ACO2: variants seen among roughly 807,000 people sequenced by gnomAD.
ACO2 encodes aconitate hydratase, mitochondrial.
Under a neutral mutation model 84.5 loss-of-function variants are expected in ACO2, and 31 were observed. That is an observed-to-expected ratio of 0.37 (90% CI 0.28 to 0.50). The LOEUF (loss-of-function observed/expected upper bound fraction) is 0.50, where lower values mean the gene tolerates loss of function less well. Among genes scored for constraint, ACO2 ranks in the 20% least tolerant of loss-of-function variants. ACO2 has a pLI of 0.97. For synonymous variants in ACO2, 414 were observed against 412.7 expected (o/e 1.00, Z -0.04); for missense variants, 685 against 1,029.3 (o/e 0.67, Z 4.58).
At chr22:41,499,045 C>T (rs1013790461) in intron 1 of ACO2, among the ~76,000 whole-genome samples, 5 of 150,288 alleles carry the variant, frequency 3.3e-5, no homozygotes, top group African/African-American at 7.4e-5. Flanking sequence ...ATCAGTGAGC[C>T]GAGATCCCAC....
intron 15 of ACO2, chr22:41,526,974 C>A (rs1340906204): frequency 2.2e-6 from 1 of 459,974 alleles, no homozygotes; most frequent in Non-Finnish European, 3.9e-6. Flanking sequence ...TTGTGTGGGG[C>A]CCGGAGGCCG....
chr22:41,495,934 T>G (rs966963037), intron 1 of ACO2, among the ~76,000 whole-genome samples: 3 of 151,800 alleles, frequency 2.0e-5, no homozygotes, highest in Admixed American at 2.0e-4. Context: ...AACTGAAACT[T>G]AGGGCAATTA....
chr22:41,522,704 A>G lies in ACO2; in HGVS notation c.1139-126A>G, dbSNP rs2066536818. 23 of 1,107,304 alleles carry G rather than the reference A, an allele frequency of 2.1e-5. No individual in the cohort carries two copies. The South Asian group carries it at 3.4e-4, about 16-fold the overall frequency. 68.6% of individuals were successfully genotyped at this position (1,107,304 alleles called of 1,614,324 possible). A position where few individuals can be genotyped will look rare whatever the true frequency, so the allele number is the denominator to read the frequency against. On this transcript the variant is annotated intron_variant, in intron 9 of 17. Coordinates refer to ENST00000216254, the MANE Select transcript of ACO2 (RefSeq NM_001098.3). ...GGTTGCTTGCAACTGGTCTCTGTTAAAAAAGTCTCTGGCCCAGCCCAGATG... is the reference window on the plus strand; with the variant it reads ...GGTTGCTTGCAACTGGTCTCTGTTAGAAAAGTCTCTGGCCCAGCCCAGATG...
At chr22:41,514,986 A>G (rs956453802) in intron 4 of ACO2, among the ~76,000 whole-genome samples, 1 of 152,212 alleles carries the variant, frequency 6.6e-6, no homozygotes, top group African/African-American at 2.4e-5. Flanking sequence ...ATGAGAAGCC[A>G]GGTGGGGATG....
chr22:41,488,902 T>C (rs2066252434), intron 1 of ACO2, among the ~76,000 whole-genome samples: 1 of 152,180 alleles, frequency 6.6e-6, no homozygotes. Flanking sequence ...CAGAGTAACC[T>C]GGTAATCTTT....
intron 1 of ACO2, among the ~76,000 whole-genome samples, chr22:41,493,083 G>A (rs1030759012): frequency 6.6e-6 from 1 of 152,200 alleles, no homozygotes; most frequent in East Asian, 1.9e-4. Context: ...AAGAGAGAGG[G>A]GAGGAAGGGG....
intron 2 of ACO2, among the ~76,000 whole-genome samples, chr22:41,506,836 G>T (rs1430479287): frequency 6.6e-6 from 1 of 152,052 alleles, no homozygotes; most frequent in Non-Finnish European, 1.5e-5. Flanking sequence ...GAGAATTCTG[G>T]GGGGCAGAGC....
At chr22:41,495,990 C>T (rs183119937) in intron 1 of ACO2, among the ~76,000 whole-genome samples, 1 of 152,056 alleles carries the variant, frequency 6.6e-6, no homozygotes, top group Admixed American at 6.5e-5. Flanking sequence ...CATTGGAAAG[C>T]TGTCTGAGAT....
intron 1 of ACO2, among the ~76,000 whole-genome samples, chr22:41,497,286 T>A (rs1237548715): frequency 6.6e-6 from 1 of 151,798 alleles, no homozygotes; most frequent in Non-Finnish European, 1.5e-5. Context: ...CCAGGCTGGT[T>A]TCAAATTGCT....
chr22:41,517,413 G>A (rs1177424077), intron 6 of ACO2, 114 bp from the exon 7 acceptor site: 3 of 829,676 alleles, frequency 3.6e-6, no homozygotes, highest in Admixed American at 2.0e-5. Flanking sequence ...ATCTCTCTGA[G>A]TGGGAGGAGA....
intron 1 of ACO2, among the ~76,000 whole-genome samples, chr22:41,486,047 G>T (rs1490412960): frequency 6.6e-6 from 1 of 152,160 alleles, no homozygotes; most frequent in Non-Finnish European, 1.5e-5. Context: ...TCTCTGTGAA[G>T]CCTTGTGGAA....
chr22:41,492,359 G>T (rs994079859), intron 1 of ACO2, among the ~76,000 whole-genome samples: 1 of 152,132 alleles, frequency 6.6e-6, no homozygotes, highest in Non-Finnish European at 1.5e-5. Flanking sequence ...AATTTAGGCC[G>T]GGCGTAGTGG....
intron 2 of ACO2, among the ~76,000 whole-genome samples, chr22:41,505,259 A>G (rs2066384480): frequency 6.6e-6 from 1 of 151,976 alleles, no homozygotes; most frequent in Admixed American, 6.6e-5. Flanking sequence ...AAAATAAATA[A>G]ATAAATAAAA....
chr22:41,511,809 G>A (rs1352983822), intron 3 of ACO2, 67 bp from the exon 4 acceptor site: 32 of 1,222,926 alleles, frequency 2.6e-5, no homozygotes, highest in African/African-American at 4.6e-5. Flanking sequence ...GGGTGGGGAG[G>A]GCTTGGTGAG....
At chr22:41,507,664 G>GGTC in intron 2 of ACO2, 127 bp from the exon 3 acceptor site, 1 of 1,325,724 alleles carries the variant, frequency 7.5e-7, no homozygotes, top group Middle Eastern at 2.7e-4. Flanking sequence ...GGAACGTTGA[G>GGTC]GTCCTGAGTT....
At chr22:41,522,063 G>A (rs1016533516) in intron 9 of ACO2, among the ~76,000 whole-genome samples, 2 of 152,180 alleles carry the variant, frequency 1.3e-5, no homozygotes, top group African/African-American at 4.8e-5. Context: ...GTGAGCCACC[G>A]CGCCTGGCCA....
chr22:41,469,310 T>G, intron 1 of ACO2, 128 bp downstream of exon 1: 1 of 1,174,424 alleles, frequency 8.5e-7, no homozygotes, highest in Non-Finnish European at 1.2e-6. Context: ...GTCCCGGTTG[T>G]GGGCCCGGCA....
rs528830558 is a variant in ACO2, at chr22:41,489,336, G to T, written c.37-10390G>T. On this transcript the variant is annotated intron_variant, in intron 1 of 17. Coordinates refer to ENST00000216254, the MANE Select transcript of ACO2 (RefSeq NM_001098.3). ...TGGGATTACAGGTGTTGTGAGCCCT[G>T]CACTGGCCAAATAATAATACTCTTA... 2.0e-5 allele frequency among the ~76,000 whole-genome samples: 3 copies of T among 152,256 alleles called. No homozygotes were observed. In the East Asian group the frequency reaches 5.8e-4, roughly 29 times the overall value.
In ACO2 at chr22:41,527,314, C is replaced by T. The variant is rs9623413; in HGVS notation, c.1980C>T (p.Ile660=). ...YKKHGIRWVV[I]GDENYGEGSS... is the part of the protein sequence containing the mutation. ...AACATGGCATCAGGTGGGTGGTGATCGGAGACGAGAACTACGGCGAGGGCT... is the reference window on the plus strand; with the variant it reads ...AACATGGCATCAGGTGGGTGGTGATTGGAGACGAGAACTACGGCGAGGGCT... Residue 660 remains isoleucine (I), a synonymous_variant, in exon 16 of 18, where the codon ATC becomes ATT. Transcript: ENST00000216254. The T allele has an allele frequency of 8.8e-4, 1,416 of 1,614,118 alleles. 8 individuals carry two copies. The African/African-American group carries it at 0.016, about 19-fold the overall frequency.
Sources: gnomAD v4.1 joint callset for allele counts (sites outside exome capture counted in the v4.1 genomes callset) on GRCh38, gnomAD v4.1.1 for gene constraint, MANE v1.5 for transcripts, NCBI Gene and HGNC (gene_info 2026-07-23, HGNC 2026-07-21) for gene names.